BCL2L13: variants seen among roughly 807,000 people sequenced by gnomAD.
BCL2L13 encodes BCL2 like 13.
In BCL2L13, 13 loss-of-function variants were observed where a neutral mutation model predicts 25.8. The ratio of observed to expected loss-of-function variants is 0.50; its 90% CI spans 0.33 to 0.80. BCL2L13 has a LOEUF of 0.80. BCL2L13 is among the 30% of genes least tolerant of loss of function. The probability of loss-of-function intolerance (pLI) is 0.02; values close to 1 mark genes in which losing one functional copy is unlikely to be tolerated. For missense variants in BCL2L13, 504 were observed against 574.9 expected, an observed-to-expected ratio of 0.88 and a Z score of 1.26; for synonymous variants, 244 against 230.3, an observed-to-expected ratio of 1.06 and a Z score of -0.54.
chr22:17,722,350 T>G (rs959047209), intron 6 of BCL2L13, among the ~76,000 whole-genome samples: 1 of 150,714 alleles, frequency 6.6e-6, no homozygotes, highest in Admixed American at 6.6e-5. Flanking sequence ...CATTTCAGCC[T>G]CCTGAGTTGA....
intron 1 of BCL2L13, among the ~76,000 whole-genome samples, chr22:17,640,922 G>A (rs1022948285): frequency 4.0e-5 from 6 of 148,412 alleles, no homozygotes; most frequent in Admixed American, 6.8e-5. Flanking sequence ...GCGGAGTGTC[G>A]CTCTGTCGCC....
At chr22:17,720,573 C>G (rs1015766636) in intron 6 of BCL2L13, among the ~76,000 whole-genome samples, 4 of 151,688 alleles carry the variant, frequency 2.6e-5, no homozygotes, top group Non-Finnish European at 5.9e-5. Context: ...CCATGTTGAT[C>G]AGGCTGGTCT....
At chr22:17,655,555 G>A in intron 1 of BCL2L13, 107 bp from the exon 2 acceptor site, 1 of 860,468 alleles carries the variant, frequency 1.2e-6, no homozygotes, top group Non-Finnish European at 1.7e-6. Flanking sequence ...AGCGACAAGA[G>A]CAAGACTCTA....
chr22:17,651,268 G>A (rs1279422596), intron 1 of BCL2L13, among the ~76,000 whole-genome samples: 1 of 151,800 alleles, frequency 6.6e-6, no homozygotes, highest in African/African-American at 2.4e-5. Flanking sequence ...AAAGTGCTAG[G>A]ATTATAGGCG....
chr22:17,710,067 TAAAAAA>T (rs71201876), intron 6 of BCL2L13, among the ~76,000 whole-genome samples: 5 of 91,806 alleles, frequency 5.4e-5, no homozygotes, highest in African/African-American at 1.5e-4. Flanking sequence ...GACCTTGTCT[TAAAAAA>T]AAAAAAAAAA....
intron 6 of BCL2L13, among the ~76,000 whole-genome samples, chr22:17,711,033 T>C (rs180689693): frequency 6.6e-6 from 1 of 151,854 alleles, no homozygotes; most frequent in Non-Finnish European, 1.5e-5. Flanking sequence ...CTTCAATCTT[T>C]TGTTAACTTT....
chr22:17,698,304 AG>A (rs1261654090), intron 5 of BCL2L13, among the ~76,000 whole-genome samples: 1 of 149,184 alleles, frequency 6.7e-6, no homozygotes, highest in East Asian at 2.1e-4. Context: ...TAGTAGAGAC[AG>A]GGTCTTGCCA....
chr22:17,716,902 A>T (rs997490422), intron 6 of BCL2L13, among the ~76,000 whole-genome samples: 3 of 152,158 alleles, frequency 2.0e-5, no homozygotes, highest in African/African-American at 7.2e-5. Flanking sequence ...AGGGGGAAAC[A>T]TGCACCTTTT....
At chr22:17,665,523 GTA>G (rs2059207704) in intron 2 of BCL2L13, among the ~76,000 whole-genome samples, 1 of 152,070 alleles carries the variant, frequency 6.6e-6, no homozygotes, top group Non-Finnish European at 1.5e-5. Flanking sequence ...CCAATTTTCT[GTA>G]TGAGAACAGT....
In BCL2L13 at chr22:17,716,976, G is replaced by A. The variant is rs566545515; in HGVS notation, c.601-9701G>A. On this transcript the variant is annotated intron_variant, in intron 6 of 6. Coordinates refer to ENST00000317582, the MANE Select transcript of BCL2L13 (RefSeq NM_015367.4). ...GAAAGGTACTGATATTTTACTTCTC[G>A]TTCATTGGCCTAATCTTTCCTCCTC... Among the ~76,000 whole-genome samples the A allele has an allele frequency of 1.1e-4, 16 of 152,190 alleles. No homozygotes were observed. The South Asian group carries it at 1.9e-3, about 18-fold the overall frequency.
Position 17,726,924 on chromosome 22 carries a change from C to A in BCL2L13, c.848C>A (p.Pro283His), listed in dbSNP as rs2061314862. 6.2e-7 allele frequency: 1 copy of A among 1,614,044 alleles called. No individual in the cohort carries two copies. Among genetic ancestry groups the A allele is most frequent in the African/African-American group, 1.3e-5 (1 of 74,926 alleles). ...TCCTGGCAGCAGATTGCAATGGATC[C>A]TGAAGAAGTGAAAAGCTTAGACAGC... is the stretch of plus-strand genomic sequence containing the variant. ...PESWQQIAMD[P>H]EEVKSLDSNG... Residue 283 changes from proline (P) to histidine (H), a missense_variant, in exon 7 of 7, where the codon CCT becomes CAT. Coordinates refer to ENST00000317582, the MANE Select transcript of BCL2L13 (RefSeq NM_015367.4).
chr22:17,646,955 A>ATTTTTTTTTTT (rs149460093), intron 1 of BCL2L13, among the ~76,000 whole-genome samples: 9 of 22,190 alleles, frequency 4.1e-4, no homozygotes, highest in South Asian at 5.3e-3. Flanking sequence ...ATATATATAT[A>ATTTTTTTTTTT]TTTTTTTTTT....
intron 2 of BCL2L13, among the ~76,000 whole-genome samples, chr22:17,664,204 C>T (rs1210548632): frequency 6.6e-6 from 1 of 151,362 alleles, no homozygotes; most frequent in Non-Finnish European, 1.5e-5. Flanking sequence ...CGGCTGGTCT[C>T]GAACTCCTGA....
chr22:17,633,602 G>A (rs2058062947), upstream of BCL2L13, among the ~76,000 whole-genome samples: 1 of 152,130 alleles, frequency 6.6e-6, no homozygotes, highest in Non-Finnish European at 1.5e-5. Flanking sequence ...ACTAGATACT[G>A]AATCAGCAGG....
At chr22:17,687,819 T>C (rs868775383) in intron 3 of BCL2L13, among the ~76,000 whole-genome samples, 3,028 of 19,046 alleles carry the variant, frequency 0.16, 110 homozygotes, top group African/African-American at 0.28. Context: ...ACCCGGCCCC[T>C]TTTTTTTTTT....
chr22:17,669,112 A>C (rs2059336983), intron 2 of BCL2L13, among the ~76,000 whole-genome samples: 1 of 141,338 alleles, frequency 7.1e-6, no homozygotes, highest in South Asian at 2.2e-4. Flanking sequence ...AGCTCACTGC[A>C]AGCTCCGCCT....
intron 2 of BCL2L13, among the ~76,000 whole-genome samples, chr22:17,661,916 G>C (rs563267955): frequency 6.6e-6 from 1 of 151,624 alleles, no homozygotes; most frequent in Non-Finnish European, 1.5e-5. Context: ...TCTTGAACCC[G>C]GGAGGTGGAG....
intron 5 of BCL2L13, among the ~76,000 whole-genome samples, chr22:17,698,115 CTT>C (rs532136778): frequency 3.4e-5 from 5 of 145,710 alleles, no homozygotes; most frequent in Non-Finnish European, 4.5e-5. Flanking sequence ...TGTGCCTGGC[CTT>C]TTTTTTTTTC....
At chr22:17,629,849 T>A (rs996555001) in intron 1 of BCL2L13, among the ~76,000 whole-genome samples, 2 of 131,306 alleles carry the variant, frequency 1.5e-5, no homozygotes, top group East Asian at 2.3e-4. Flanking sequence ...ACACACACAC[T>A]TCCTATTTTA....
Sources: allele counts gnomAD v4.1 joint callset (sites outside exome capture counted in the v4.1 genomes callset), GRCh38; gene constraint gnomAD v4.1.1; transcripts MANE v1.5; gene names NCBI Gene and HGNC (gene_info 2026-07-23, HGNC 2026-07-21).